Variants in NYAP2 observed in about 807,000 individuals in gnomAD.
NYAP2 encodes neuronal tyrosine-phosphorylated phosphoinositide-3-kinase adapter 2.
Under a neutral mutation model 50.4 loss-of-function variants are expected in NYAP2, and 23 were observed. The observed-to-expected ratio is 0.46, with a 90% CI of 0.33 to 0.65. The LOEUF is 0.65. NYAP2 is among the 30% of genes least tolerant of loss of function. The probability of loss-of-function intolerance (pLI) is 0.02; values close to 1 mark genes in which losing one functional copy is unlikely to be tolerated. For synonymous variants in NYAP2, 394 were observed against 365.2 expected (o/e 1.08, Z -0.90); for missense variants, 885 against 861.0 (o/e 1.03, Z -0.35).
At position 225,432,033 on chromosome 2, in the gene NYAP2, G is replaced by A. The variant is rs184674036; in HGVS notation, c.221+22932G>A. The stretch of plus-strand genomic sequence containing the variant: ...CACCCAGGCCGGAGTGCAGTGGCAC[G>A]CTCTCGGCTCACTGCAAGCTCCGTC... On this transcript the variant is annotated intron_variant, in intron 3 of 6. Transcript: ENST00000636099. 3.2e-3 allele frequency among the ~76,000 whole-genome samples: 485 copies of A among 151,920 alleles called. 3 individuals carry two copies. Among genetic ancestry groups the A allele is most frequent in the African/African-American group, 0.011 (459 of 41,392 alleles).
At chr2:225,675,175 T>C in the NYAP2 span, among the ~76,000 whole-genome samples, 1 of 152,134 alleles carries the variant, frequency 6.6e-6, no homozygotes, top group Non-Finnish European at 1.5e-5. Context: ...AAAGTATACA[T>C]GTCCAGGTTT....
At chr2:225,636,672 C>T (rs1464864151) in intron 6 of NYAP2, among the ~76,000 whole-genome samples, 1 of 152,096 alleles carries the variant, frequency 6.6e-6, no homozygotes, top group Non-Finnish European at 1.5e-5. Flanking sequence ...ACCCTTGAGT[C>T]TTGCATTGAC....
At chr2:225,506,669 AT>A (rs1052819071) in intron 3 of NYAP2, among the ~76,000 whole-genome samples, 1 of 152,214 alleles carries the variant, frequency 6.6e-6, no homozygotes, top group African/African-American at 2.4e-5. Context: ...AGCATCAAAT[AT>A]AAACTTTTTA....
chr2:225,469,285 A>G (rs561497145), intron 3 of NYAP2, among the ~76,000 whole-genome samples: 3 of 152,258 alleles, frequency 2.0e-5, no homozygotes, highest in Non-Finnish European at 4.4e-5. Context: ...ACTGGTTATT[A>G]GAGAAATGCA....
intron 5 of NYAP2, among the ~76,000 whole-genome samples, chr2:225,589,663 C>A (rs1375164255): frequency 6.6e-6 from 1 of 151,258 alleles, no homozygotes; most frequent in Non-Finnish European, 1.5e-5. Flanking sequence ...CCATTGCTCT[C>A]CAGACTGGGT....
intron 4 of NYAP2, among the ~76,000 whole-genome samples, chr2:225,580,040 C>T (rs1692245183): frequency 6.6e-6 from 1 of 152,170 alleles, no homozygotes; most frequent in African/African-American, 2.4e-5. Context: ...TTCCCTCAAC[C>T]CCAGTCCATT....
At chr2:225,483,576 G>A (rs969754424) in intron 3 of NYAP2, among the ~76,000 whole-genome samples, 10 of 151,958 alleles carry the variant, frequency 6.6e-5, no homozygotes, top group East Asian at 1.9e-4. Flanking sequence ...AAAGTGAGAC[G>A]TGTGTGCACA....
chr2:225,437,293 T>A (rs1325959042), intron 3 of NYAP2, among the ~76,000 whole-genome samples: 1 of 152,176 alleles, frequency 6.6e-6, no homozygotes, highest in East Asian at 1.9e-4. Context: ...ACTCAGTATA[T>A]GACAGTTGTG....
chr2:225,701,625 G>A, the NYAP2 span: 2 of 151,858 alleles, frequency 1.3e-5, no homozygotes, highest in East Asian at 3.9e-4. Flanking sequence ...TTATGCTACT[G>A]AAGCAAGCTT....
the NYAP2 span, among the ~76,000 whole-genome samples, chr2:225,693,027 A>G: frequency 6.6e-6 from 1 of 151,990 alleles, no homozygotes; most frequent in African/African-American, 2.4e-5. Flanking sequence ...CCCATTGTTA[A>G]TATCTTACAT....
Position 225,582,628 on chromosome 2 carries a change from C to T in NYAP2, c.1211C>T (p.Ala404Val). Residue 404 changes from alanine to valine, a missense_variant, in exon 5 of 7, where the codon GCC becomes GTC. Ala to Val is a moderately conservative substitution (Grantham distance 64). Coordinates refer to ENST00000636099, the Ensembl canonical transcript of NYAP2. This position sits in a 1 kb window ranked among gnomAD's most constrained non-coding sequence, Gnocchi z 7.0. ...GAGCAGGCCGCGGCCCTGGGACCTG[C>T]CTCTGCCACCCCTGCGCTCTCCTCG... is the stretch of plus-strand genomic sequence containing the variant. 6.3e-7 allele frequency: 1 copy of T among 1,595,832 alleles called. No individual in the cohort carries two copies. Among genetic ancestry groups the T allele is most frequent in the Non-Finnish European group, 8.5e-7 (1 of 1,171,990 alleles).
intron 3 of NYAP2, among the ~76,000 whole-genome samples, chr2:225,489,348 C>A (rs1322957243): frequency 6.6e-6 from 1 of 152,050 alleles, no homozygotes; most frequent in Non-Finnish European, 1.5e-5. Flanking sequence ...TGCCCGCCAC[C>A]ATACCTCTCT....
chr2:225,398,635 A>AGG (rs1466885330), upstream of NYAP2, among the ~76,000 whole-genome samples: 6 of 151,428 alleles, frequency 4.0e-5, no homozygotes, highest in Non-Finnish European at 8.8e-5. Context: ...AGAGAGAGAG[A>AGG]GAGAGAGAGG....
intron 3 of NYAP2, among the ~76,000 whole-genome samples, chr2:225,456,498 T>C (rs1004669826): frequency 2.0e-5 from 3 of 152,066 alleles, no homozygotes; most frequent in Admixed American, 2.0e-4. Flanking sequence ...ACAGGTTTAT[T>C]TTGGAGAATA....
chr2:225,552,565 C>G (rs1466422048), intron 4 of NYAP2, among the ~76,000 whole-genome samples: 2 of 152,200 alleles, frequency 1.3e-5, no homozygotes, highest in Admixed American at 1.3e-4. Flanking sequence ...CTCTTTCTCT[C>G]TCTCTCTCTC....
chr2:225,691,652 C>T, the NYAP2 span, among the ~76,000 whole-genome samples: 5 of 152,040 alleles, frequency 3.3e-5, no homozygotes, highest in African/African-American at 9.7e-5. Flanking sequence ...CACCCCTGGC[C>T]GACCTCATGA....
the NYAP2 span, among the ~76,000 whole-genome samples, chr2:225,668,697 C>T: frequency 6.6e-6 from 1 of 151,962 alleles, no homozygotes; most frequent in Admixed American, 6.6e-5. Flanking sequence ...GCCTTGAACC[C>T]CTCTCTTCTT....
At chr2:225,528,567 TTAAAATTAGA>T (rs1406855310) in intron 4 of NYAP2, among the ~76,000 whole-genome samples, 1 of 152,210 alleles carries the variant, frequency 6.6e-6, no homozygotes, top group East Asian at 1.9e-4. Flanking sequence ...GATATTAGGA[TTAAAATTAGA>T]GTGTGCATAA....
At chr2:225,414,494 A>G (rs1044584949) in intron 3 of NYAP2, among the ~76,000 whole-genome samples, 4 of 152,168 alleles carry the variant, frequency 2.6e-5, no homozygotes, top group Non-Finnish European at 2.9e-5. Flanking sequence ...TTCCCTTGAG[A>G]TGGGTTGCAA....
Sources: gnomAD v4.1 joint callset for allele counts (sites outside exome capture counted in the v4.1 genomes callset) on GRCh38, gnomAD v4.1.1 for gene constraint, Gnocchi (gnomAD v3.1) non-coding constraint, MANE v1.5 for transcripts, NCBI Gene and HGNC (gene_info 2026-07-23, HGNC 2026-07-21) for gene names.